The following CSMD1 variants were observed in gnomAD, a reference collection of about 807,000 sequenced individuals.
The protein encoded by CSMD1 is CUB and Sushi multiple domains 1, also known as CUB and sushi domain-containing protein 1.
CSMD1 carries 213 observed loss-of-function variants against 417.5 expected under a neutral mutation model. That is an observed-to-expected ratio of 0.51 (90% CI 0.46 to 0.57). The LOEUF is 0.57. Among genes scored for constraint, CSMD1 ranks in the 20% least tolerant of loss-of-function variants. CSMD1 has a pLI of 0.00. For missense variants in CSMD1, 6,923 were observed against 4,529.7 expected (o/e 1.53, Z -15.17); for synonymous variants, 2,862 against 1,736.8 (o/e 1.65, Z -16.11).
chr8:3,739,650 G>A (rs1796694023), intron 6 of CSMD1, among the ~76,000 whole-genome samples: 1 of 152,134 alleles, frequency 6.6e-6, no homozygotes, highest in Admixed American at 6.6e-5. Flanking sequence ...AGTTCATAGG[G>A]AAATCTGTTA....
intron 5 of CSMD1, among the ~76,000 whole-genome samples, chr8:3,894,771 A>G (rs1462549726): frequency 6.6e-6 from 1 of 152,214 alleles, no homozygotes; most frequent in East Asian, 1.9e-4. Context: ...CCACATGTCA[A>G]TTAGAAGTGC....
chr8:3,429,019 G>A (rs531157552), intron 12 of CSMD1, among the ~76,000 whole-genome samples: 2 of 152,244 alleles, frequency 1.3e-5, no homozygotes, highest in South Asian at 4.1e-4. Flanking sequence ...TGGAATGGTG[G>A]TTACCAGAGA....
intron 5 of CSMD1, among the ~76,000 whole-genome samples, chr8:3,988,554 G>A (rs17068407): frequency 0.012 from 1,865 of 152,286 alleles, 43 homozygotes; most frequent in African/African-American, 0.042. Context: ...CTCCAGAACT[G>A]CTAGATCACG....
chr8:3,563,505 G>C (rs1449427078), intron 10 of CSMD1, among the ~76,000 whole-genome samples: 1 of 117,872 alleles, frequency 8.5e-6, no homozygotes, highest in East Asian at 2.6e-4. Context: ...GAGCTCCAAA[G>C]AAAATAGGTA....
intron 26 of CSMD1, among the ~76,000 whole-genome samples, chr8:3,253,569 A>C (rs1361785099): frequency 6.6e-6 from 1 of 152,156 alleles, no homozygotes; most frequent in African/African-American, 2.4e-5. Context: ...GCTGAGTTCA[A>C]TTCCTGGATA....
chr8:4,984,456 T>A (rs1352617928), intron 1 of CSMD1, among the ~76,000 whole-genome samples: 1 of 152,208 alleles, frequency 6.6e-6, no homozygotes, highest in Admixed American at 6.5e-5. Context: ...GCCCTGAGCA[T>A]CAGTGTTTAT....
In CSMD1 at chr8:4,434,319, T is replaced by C. The variant is rs145219529; in HGVS notation, c.303-14254A>G. Among the ~76,000 whole-genome samples, 1,045 of 152,242 alleles carry C rather than the reference T, an allele frequency of 6.9e-3. 10 individuals carry two copies. Among genetic ancestry groups the C allele is most frequent in the African/African-American group, 0.023 (967 of 41,546 alleles). On this transcript the variant is annotated intron_variant, in intron 2 of 69. Coordinates refer to ENST00000635120, the MANE Select transcript of CSMD1 (RefSeq NM_033225.6). ...AGATGGAGGTTGCAGTGAGCTGAGA[T>C]TGCACCATTACACTCCAGCCTGGGC...
chr8:3,670,768 T>C (rs957547336), intron 7 of CSMD1, among the ~76,000 whole-genome samples: 12 of 150,576 alleles, frequency 8.0e-5, no homozygotes, highest in Non-Finnish European at 1.3e-4. Context: ...ATGTATGGGA[T>C]ATATAAGTAT....
At chr8:4,241,628 A>G (rs780210469) in intron 3 of CSMD1, among the ~76,000 whole-genome samples, 3 of 152,224 alleles carry the variant, frequency 2.0e-5, no homozygotes, top group Non-Finnish European at 4.4e-5. Flanking sequence ...TAGAGGAGAA[A>G]TAATTCAATG....
intron 6 of CSMD1, among the ~76,000 whole-genome samples, chr8:3,740,297 G>C (rs949291015): frequency 6.6e-6 from 1 of 152,050 alleles, no homozygotes; most frequent in African/African-American, 2.4e-5. Flanking sequence ...GTACAGATGG[G>C]GTTTGACCAT....
intron 10 of CSMD1, among the ~76,000 whole-genome samples, chr8:3,537,439 A>T (rs965728881): frequency 6.6e-6 from 1 of 152,214 alleles, no homozygotes; most frequent in Admixed American, 6.5e-5. Flanking sequence ...CCAAAAATTG[A>T]TATGTTAGCT....
intron 18 of CSMD1, among the ~76,000 whole-genome samples, chr8:3,375,871 C>G (rs1352507957): frequency 6.6e-6 from 1 of 152,096 alleles, no homozygotes; most frequent in African/African-American, 2.4e-5. Context: ...CTCTTTTTTT[C>G]TCTTTGCACC....
chr8:4,902,576 T>C (rs1804957690), intron 1 of CSMD1, among the ~76,000 whole-genome samples: 1 of 152,228 alleles, frequency 6.6e-6, no homozygotes, highest in Non-Finnish European at 1.5e-5. Flanking sequence ...AATTAGAAAA[T>C]ATTATGCTGT....
chr8:4,231,385 A>C (rs1017327115), intron 3 of CSMD1, among the ~76,000 whole-genome samples: 3 of 152,214 alleles, frequency 2.0e-5, no homozygotes, highest in African/African-American at 7.2e-5. Context: ...CTGAGAGAAT[A>C]GGAGCATATT....
intron 5 of CSMD1, among the ~76,000 whole-genome samples, chr8:3,934,815 C>A (rs1810375273): frequency 6.6e-6 from 1 of 152,072 alleles, no homozygotes; most frequent in African/African-American, 2.4e-5. Flanking sequence ...CCACTGCACT[C>A]CAGCCTGGGC....
chr8:4,023,730 G>C (rs1327078450), intron 4 of CSMD1, among the ~76,000 whole-genome samples: 7 of 144,272 alleles, frequency 4.9e-5, no homozygotes, highest in African/African-American at 1.5e-4. Flanking sequence ...GGGACTACAA[G>C]CGCCCACCGC....
At chr8:4,127,430 G>C (rs889250327) in intron 3 of CSMD1, among the ~76,000 whole-genome samples, 3 of 116,550 alleles carry the variant, frequency 2.6e-5, no homozygotes, top group African/African-American at 1.0e-4. Context: ...TTTCTGAAAG[G>C]ACACAGTTTT....
chr8:3,370,347 G>A (rs1348972791), intron 18 of CSMD1, among the ~76,000 whole-genome samples: 6 of 152,198 alleles, frequency 3.9e-5, no homozygotes, highest in East Asian at 1.9e-4. Flanking sequence ...GGCAACTGCC[G>A]TTCATGCTCT....
chr8:4,020,090 A>G (rs1164409171), intron 4 of CSMD1, among the ~76,000 whole-genome samples: 1 of 152,134 alleles, frequency 6.6e-6, no homozygotes, highest in Non-Finnish European at 1.5e-5. Flanking sequence ...ATAGCAGCTG[A>G]TATTTTTAGA....
Sources: allele counts gnomAD v4.1 joint callset (sites outside exome capture counted in the v4.1 genomes callset), GRCh38; gene constraint gnomAD v4.1.1; transcripts MANE v1.5; gene names NCBI Gene and HGNC (gene_info 2026-07-23, HGNC 2026-07-21).